RSL1D1: variants seen among roughly 807,000 people sequenced by gnomAD.
RSL1D1 encodes the protein ribosomal L1 domain containing 1.
Under a neutral mutation model 44.6 loss-of-function variants are expected in RSL1D1, and 34 were observed. The observed-to-expected ratio is 0.76, with a 90% CI of 0.58 to 1.02. The LOEUF (loss-of-function observed/expected upper bound fraction) is 1.02. RSL1D1 is among the 50% of genes least tolerant of loss of function. The pLI is 0.00. For synonymous variants in RSL1D1, 271 were observed against 207.4 expected, an observed-to-expected ratio of 1.31 and a Z score of -2.63; for missense variants, 767 against 568.1, an observed-to-expected ratio of 1.35 and a Z score of -3.56.
In RSL1D1 at chr16:11,851,529, G is replaced by A. The variant is rs146961134; in HGVS notation, c.-17C>T. 13 of 1,611,262 alleles carry A rather than the reference G, an allele frequency of 8.1e-6. No individual in the cohort carries two copies. The highest frequency in any genetic ancestry group is 4.5e-5 in the East Asian group (2 of 44,850). On this transcript the variant is annotated 5_prime_UTR_variant, in exon 1 of 9. Transcript: ENST00000571133. ...ATCCTCCATCTTGTTTCCACCTCGT[G>A]AAGAGGCGCGTGTGCAACCCCACTG...
At chr16:11,844,804 C>T (rs544342024) in intron 5 of RSL1D1, among the ~76,000 whole-genome samples, 26 of 152,320 alleles carry the variant, frequency 1.7e-4, no homozygotes, top group African/African-American at 6.0e-4. Context: ...TCAGCAAGTG[C>T]AGTACTTCAT....
chr16:11,839,498 G>A (rs144782532), intron 8 of RSL1D1, among the ~76,000 whole-genome samples, 197 bp downstream of exon 8: 3 of 145,386 alleles, frequency 2.1e-5, no homozygotes, highest in African/African-American at 5.1e-5. Context: ...GTGTAAGACC[G>A]GTCTGGGCAA....
chr16:11,849,765 G>A (rs11075026), intron 2 of RSL1D1, among the ~76,000 whole-genome samples: 154 of 152,202 alleles, frequency 1.0e-3, no homozygotes, highest in African/African-American at 3.5e-3. Flanking sequence ...ACCTGATTAC[G>A]TTAGCTGTCC....
At chr16:11,847,043 A>G (rs562405601) in intron 3 of RSL1D1, among the ~76,000 whole-genome samples, 200 bp from the exon 4 acceptor site, 1 of 152,294 alleles carries the variant, frequency 6.6e-6, no homozygotes, top group South Asian at 2.1e-4. Context: ...AAAAGACCCC[A>G]GCTAAAGCAA....
At position 11,836,369 on chromosome 16, in the gene RSL1D1, TTA is replaced by T. The variant is rs1423083235; in HGVS notation, c.*1416_*1417del. ...TAAGCCACTGCATCTAGCACCCACA[TTA>T]TCTTTGAAAGCAGTTGAGTCTTTGG... On this transcript the variant is annotated 3_prime_UTR_variant, in exon 9 of 9. Coordinates refer to ENST00000571133, the MANE Select transcript of RSL1D1 (RefSeq NM_015659.3). 6.6e-6 allele frequency: 1 copy of T among 152,220 alleles called. No homozygotes were observed. Among genetic ancestry groups the T allele is most frequent in the African/African-American group, 2.4e-5 (1 of 41,462 alleles). The allele number at this position is 152,220 out of a possible 1,614,324, so 9.4% of individuals were successfully genotyped here.
chr16:11,839,236 C>T (rs1042998220), intron 8 of RSL1D1, among the ~76,000 whole-genome samples: 4 of 152,068 alleles, frequency 2.6e-5, no homozygotes, highest in Middle Eastern at 3.4e-3. Context: ...CATGGTAGTG[C>T]GCGCCTGTAA....
chr16:11,849,207 A>C (rs1312566215), intron 2 of RSL1D1: 6 of 152,188 alleles, frequency 3.9e-5, no homozygotes, highest in Admixed American at 1.3e-4. Flanking sequence ...AACACAGTGA[A>C]ACCTCATCTC....
chr16:11,844,033 C>T (rs1170473911), intron 5 of RSL1D1, among the ~76,000 whole-genome samples: 1 of 151,368 alleles, frequency 6.6e-6, no homozygotes, highest in African/African-American at 2.4e-5. Context: ...AGGAAGTGAG[C>T]CAGAAGGAAG....
chr16:11,845,907 A>G (rs2053794253), intron 5 of RSL1D1, among the ~76,000 whole-genome samples: 2 of 151,702 alleles, frequency 1.3e-5, no homozygotes, highest in Non-Finnish European at 2.9e-5. Context: ...ATTTTTCTGT[A>G]ATTGGCTGGG....
At position 11,837,554 on chromosome 16, in the gene RSL1D1, T is replaced by C. The variant is rs113393544; in HGVS notation, c.*233A>G. 3 of 419,220 alleles carry C rather than the reference T, an allele frequency of 7.2e-6. No homozygotes were observed. Among genetic ancestry groups the C allele is most frequent in the Admixed American group, 4.1e-5 (1 of 24,626 alleles). 26.0% of individuals were successfully genotyped at this position (419,220 alleles called of 1,614,324 possible). ...TTGGTACAGACAGGGTTTCACCATG[T>C]TGGCCAGGATGGTCTCGATCTCGTT... On this transcript the variant is annotated 3_prime_UTR_variant, in exon 9 of 9. Coordinates refer to ENST00000571133, the MANE Select transcript of RSL1D1 (RefSeq NM_015659.3).
chr16:11,836,196 C>T lies in RSL1D1; in HGVS notation c.*1591G>A, dbSNP rs2053716204. On this transcript the variant is annotated 3_prime_UTR_variant, in exon 9 of 9. Coordinates refer to ENST00000571133, the MANE Select transcript of RSL1D1 (RefSeq NM_015659.3). ...ATAAATAGTGTGGGCTCCCAGAGCT[C>T]ACGGCCTTCACAGCCTCCACCATCC... The T allele has an allele frequency of 6.6e-6, 1 of 152,226 alleles. No individual in the cohort carries two copies. Among genetic ancestry groups the T allele is most frequent in the African/African-American group, 2.4e-5 (1 of 41,458 alleles). 9.4% of individuals were successfully genotyped at this position (152,226 alleles called of 1,614,324 possible). A position where few individuals can be genotyped will look rare whatever the true frequency, so the allele number is the denominator to read the frequency against.
At chr16:11,848,796 A>AT (rs1179828067) in intron 2 of RSL1D1, among the ~76,000 whole-genome samples, 1 of 140,130 alleles carries the variant, frequency 7.1e-6, no homozygotes, top group African/African-American at 2.5e-5. Context: ...CTCAGCCAAC[A>AT]TAACTTTTTT....
intron 8 of RSL1D1, 134 bp downstream of exon 8, chr16:11,839,561 T>G: frequency 1.7e-5 from 18 of 1,049,976 alleles, no homozygotes; most frequent in African/African-American, 3.3e-5. Flanking sequence ...CAATAAATCA[T>G]GATATGATAA....
At chr16:11,838,937 C>G (rs1488286650) in intron 8 of RSL1D1, among the ~76,000 whole-genome samples, 1 of 151,400 alleles carries the variant, frequency 6.6e-6, no homozygotes, top group East Asian at 1.9e-4. Flanking sequence ...TTCCCTATGA[C>G]TGAGGGGAGG....
chr16:11,847,974 G>A (rs1461919867), intron 2 of RSL1D1, among the ~76,000 whole-genome samples, 168 bp from the exon 3 acceptor site: 16 of 152,260 alleles, frequency 1.1e-4, no homozygotes, highest in South Asian at 6.2e-4. Flanking sequence ...TTTCATGGCC[G>A]GTAGTAGTGG....
intron 1 of RSL1D1, chr16:11,850,920 C>T (rs2053832646): frequency 4.9e-6 from 1 of 203,844 alleles, no homozygotes; most frequent in South Asian, 6.3e-5. Context: ...GAACTCCTGA[C>T]CTCAGGTGAT....
At chr16:11,841,866 T>C in intron 6 of RSL1D1, 41 bp downstream of exon 6, 1 of 1,611,894 alleles carries the variant, frequency 6.2e-7, no homozygotes, top group Non-Finnish European at 8.5e-7. Flanking sequence ...ACTTTGTTTC[T>C]TTTAAATGAA....
chr16:11,845,810 C>G (rs911243614), intron 5 of RSL1D1, among the ~76,000 whole-genome samples: 20 of 151,868 alleles, frequency 1.3e-4, no homozygotes, highest in Non-Finnish European at 8.8e-5. Flanking sequence ...CAGTCTTGAC[C>G]TTCTAGGCTC....
At chr16:11,840,408 C>A (rs933990467) in intron 7 of RSL1D1, among the ~76,000 whole-genome samples, 1 of 151,998 alleles carries the variant, frequency 6.6e-6, no homozygotes, top group African/African-American at 2.4e-5. Context: ...TCTATTAAAA[C>A]CACAAAAATT....
Sources: allele counts gnomAD v4.1 joint callset (sites outside exome capture counted in the v4.1 genomes callset), GRCh38; gene constraint gnomAD v4.1.1; transcripts MANE v1.5; gene names NCBI Gene and HGNC (gene_info 2026-07-23, HGNC 2026-07-21).